NDST4: variants seen among roughly 807,000 people sequenced by gnomAD.
The protein encoded by NDST4 is N-heparan sulfate sulfotransferase 4.
NDST4 carries 63 observed loss-of-function variants against 100.8 expected under a neutral mutation model. That is an observed-to-expected ratio of 0.62 (90% CI 0.51 to 0.77). NDST4 has a LOEUF of 0.77. NDST4 is among the 30% of genes least tolerant of loss of function. NDST4 has a pLI of 0.00. For synonymous variants in NDST4, 377 were observed against 361.8 expected, an observed-to-expected ratio of 1.04 and a Z score of -0.48; for missense variants, 943 against 1,018.4, an observed-to-expected ratio of 0.93 and a Z score of 1.01.
In NDST4 at chr4:115,060,399, T is replaced by C. The variant is rs539094660; in HGVS notation, c.978+15660A>G. On this transcript the variant is annotated intron_variant, in intron 2 of 13. Transcript: ENST00000264363. ...ATGCATTTTCATTTTGAGAGGTCAA[T>C]GTAGTAGTCTTTAAGCATCATAAAA... Among the ~76,000 whole-genome samples the C allele has an allele frequency of 2.2e-4, 33 of 152,108 alleles. 1 individual carries two copies. The highest frequency in any genetic ancestry group is 3.4e-4 in the Non-Finnish European group (23 of 67,960).
intron 2 of NDST4, among the ~76,000 whole-genome samples, chr4:115,002,291 A>G (rs981342354): frequency 6.6e-6 from 1 of 152,098 alleles, no homozygotes. Flanking sequence ...GGCCACATCA[A>G]TGTCTTCTTT....
intron 2 of NDST4, among the ~76,000 whole-genome samples, chr4:115,058,667 A>G (rs1328563537): frequency 1.3e-5 from 2 of 152,096 alleles, no homozygotes; most frequent in Non-Finnish European, 2.9e-5. Context: ...AATGCTTTGA[A>G]CTGATTTCTC....
chr4:115,022,992 A>G (rs1727892369), intron 2 of NDST4, among the ~76,000 whole-genome samples: 1 of 147,532 alleles, frequency 6.8e-6, no homozygotes, highest in Non-Finnish European at 1.5e-5. Flanking sequence ...ACAGACTGAT[A>G]CGCCAAACAT....
intron 6 of NDST4, among the ~76,000 whole-genome samples, chr4:114,921,247 G>T (rs896993893): frequency 1.3e-5 from 2 of 152,106 alleles, no homozygotes; most frequent in African/African-American, 2.4e-5. Context: ...CAAGTATTGC[G>T]TTCGATGACT....
chr4:114,868,686 TAA>T, intron 7 of NDST4, among the ~76,000 whole-genome samples: 1 of 151,974 alleles, frequency 6.6e-6, no homozygotes, highest in East Asian at 1.9e-4. Flanking sequence ...AGTAACCATA[TAA>T]ATAATATAAT....
At chr4:115,087,021 T>C (rs1457452972) in intron 1 of NDST4, among the ~76,000 whole-genome samples, 1 of 152,050 alleles carries the variant, frequency 6.6e-6, no homozygotes. Context: ...CACTGAATTT[T>C]ACCCTTATAC....
chr4:114,898,082 C>G (rs1724755608), intron 6 of NDST4, among the ~76,000 whole-genome samples: 1 of 152,052 alleles, frequency 6.6e-6, no homozygotes, highest in Non-Finnish European at 1.5e-5. Context: ...TCAATTATTT[C>G]TTTCATGAAT....
At chr4:114,906,212 AAAAG>A (rs1724945796) in intron 6 of NDST4, among the ~76,000 whole-genome samples, 1 of 152,056 alleles carries the variant, frequency 6.6e-6, no homozygotes, top group African/African-American at 2.4e-5. Context: ...AGAAAGATTG[AAAAG>A]AAAGATAGAC....
chr4:114,900,421 T>A (rs1724811410), intron 6 of NDST4, among the ~76,000 whole-genome samples: 1 of 152,034 alleles, frequency 6.6e-6, no homozygotes, highest in Admixed American at 6.5e-5. Flanking sequence ...ATCATTTTTT[T>A]CTAAAACAGT....
intron 1 of NDST4, among the ~76,000 whole-genome samples, chr4:115,084,533 G>A (rs962660172): frequency 1.3e-5 from 2 of 152,104 alleles, no homozygotes; most frequent in Non-Finnish European, 2.9e-5. Flanking sequence ...AGGCCTAGGA[G>A]GAAAAAATGG....
At chr4:114,942,834 C>A (rs1725778593) in intron 4 of NDST4, among the ~76,000 whole-genome samples, 1 of 151,322 alleles carries the variant, frequency 6.6e-6, no homozygotes, top group Non-Finnish European at 1.5e-5. Context: ...ACTTCAGAAT[C>A]AAAAATATTC....
intron 4 of NDST4, among the ~76,000 whole-genome samples, chr4:114,958,758 C>G (rs1031934163): frequency 1.3e-5 from 2 of 152,188 alleles, no homozygotes; most frequent in Non-Finnish European, 2.9e-5. Flanking sequence ...GTTACTTATG[C>G]AAATTTCTGC....
At chr4:115,087,068 CCAGAATTAAA>C (rs1428041971) in intron 1 of NDST4, among the ~76,000 whole-genome samples, 4 of 152,034 alleles carry the variant, frequency 2.6e-5, no homozygotes, top group Admixed American at 2.0e-4. Flanking sequence ...AATGTGTGGA[CCAGAATTAAA>C]CAGGATTAAA....
chr4:114,924,854 G>A (rs1000163057), intron 6 of NDST4, among the ~76,000 whole-genome samples: 1 of 151,908 alleles, frequency 6.6e-6, no homozygotes, highest in South Asian at 2.1e-4. Context: ...AATGTTGCTA[G>A]CACAAAGAAA....
At chr4:115,061,732 A>G (rs549173783) in intron 2 of NDST4, among the ~76,000 whole-genome samples, 13 of 152,080 alleles carry the variant, frequency 8.5e-5, no homozygotes, top group Non-Finnish European at 1.5e-4. Flanking sequence ...TGGCACATGT[A>G]TAGCTGTGTA....
chr4:115,015,645 C>T (rs577027296), intron 2 of NDST4, among the ~76,000 whole-genome samples: 1 of 152,166 alleles, frequency 6.6e-6, no homozygotes, highest in Admixed American at 6.6e-5. Context: ...AGGGTGACCT[C>T]AGCAGAGGAG....
At chr4:114,957,461 G>A (rs1243066256) in intron 4 of NDST4, among the ~76,000 whole-genome samples, 3 of 152,074 alleles carry the variant, frequency 2.0e-5, no homozygotes, top group Non-Finnish European at 1.5e-5. Flanking sequence ...ACCTCCCACT[G>A]GGTTCTTCTC....
intron 6 of NDST4, among the ~76,000 whole-genome samples, chr4:114,914,513 A>C (rs1725128288): frequency 6.6e-6 from 1 of 152,180 alleles, no homozygotes; most frequent in Admixed American, 6.5e-5. Context: ...TGCATTAGAA[A>C]GAAGATTTTG....
At chr4:115,081,617 A>T (rs1031891293) in intron 1 of NDST4, among the ~76,000 whole-genome samples, 45 of 152,188 alleles carry the variant, frequency 3.0e-4, no homozygotes, top group African/African-American at 1.1e-3. Context: ...ACATAAAATT[A>T]AAAAAATTAC....
Sources: allele counts gnomAD v4.1 joint callset (sites outside exome capture counted in the v4.1 genomes callset), GRCh38; gene constraint gnomAD v4.1.1; transcripts MANE v1.5; gene names NCBI Gene and HGNC (gene_info 2026-07-23, HGNC 2026-07-21).